RASAL2: variants seen among roughly 807,000 people sequenced by gnomAD.
The protein encoded by RASAL2 is RAS protein activator like 2.
Under a neutral mutation model 128.9 loss-of-function variants are expected in RASAL2, and 58 were observed. The observed-to-expected ratio is 0.45, with a 90% confidence interval of 0.36 to 0.56. The LOEUF is 0.56. RASAL2 is among the 20% of genes least tolerant of loss of function. The probability of loss-of-function intolerance (pLI) is 0.00; values close to 1 mark genes in which losing one functional copy is unlikely to be tolerated. For synonymous variants in RASAL2, 561 were observed against 580.8 expected (o/e 0.97, Z 0.49); for missense variants, 1,360 against 1,601.6 (o/e 0.85, Z 2.57).
intron 1 of RASAL2, among the ~76,000 whole-genome samples, chr1:178,177,538 A>G (rs1211202888): frequency 6.6e-6 from 1 of 152,230 alleles, no homozygotes; most frequent in African/African-American, 2.4e-5. Flanking sequence ...TAGAAAAAAT[A>G]TATTAAAAAG....
chr1:178,357,598 C>G (rs1054406019), intron 3 of RASAL2, among the ~76,000 whole-genome samples: 2 of 151,988 alleles, frequency 1.3e-5, no homozygotes, highest in Admixed American at 6.6e-5. Flanking sequence ...ATGGTAGTAT[C>G]AAGTCCCTCT....
At chr1:178,184,076 A>G (rs555764749) in intron 1 of RASAL2, among the ~76,000 whole-genome samples, 1 of 152,260 alleles carries the variant, frequency 6.6e-6, no homozygotes, top group East Asian at 1.9e-4. Flanking sequence ...TTTTGTATGC[A>G]TATTTGCTAT....
At position 178,470,131 on chromosome 1, in the gene RASAL2, A is replaced by G. The variant is rs1024580755; in HGVS notation, c.3678+2710A>G. On this transcript the variant is annotated intron_variant, in intron 17 of 17. Transcript: ENST00000367649. ...TCAGATCCTTTCTTTTGTAAGGATAAATCTTCTCTCTTAAGTGAATGATGG... is the reference window on the plus strand; with the variant it reads ...TCAGATCCTTTCTTTTGTAAGGATAGATCTTCTCTCTTAAGTGAATGATGG... Among the ~76,000 whole-genome samples the G allele has an allele frequency of 2.0e-4, 30 of 152,318 alleles. No homozygotes were observed. In the South Asian group the frequency reaches 3.1e-3, roughly 16 times the overall value.
At chr1:178,131,085 CA>C (rs1448000215) in intron 1 of RASAL2, among the ~76,000 whole-genome samples, 10 of 147,160 alleles carry the variant, frequency 6.8e-5, no homozygotes, top group African/African-American at 2.5e-4. Context: ...CAAAAAAAAC[CA>C]AAAAAAAACA....
intron 3 of RASAL2, among the ~76,000 whole-genome samples, chr1:178,353,220 T>C (rs1670613169): frequency 6.6e-6 from 1 of 152,230 alleles, no homozygotes; most frequent in Non-Finnish European, 1.5e-5. Context: ...TAAATATAAG[T>C]TCCAGTTTTA....
At chr1:178,255,965 T>C (rs1437512161) in intron 1 of RASAL2, among the ~76,000 whole-genome samples, 1 of 151,978 alleles carries the variant, frequency 6.6e-6, no homozygotes, top group African/African-American at 2.4e-5. Flanking sequence ...GAAATGCAAA[T>C]AGGTTGTAAG....
chr1:178,180,407 G>T (rs906702812), intron 1 of RASAL2, among the ~76,000 whole-genome samples: 1 of 145,590 alleles, frequency 6.9e-6, no homozygotes, highest in Admixed American at 7.2e-5. Flanking sequence ...ACTTTGAGAC[G>T]CCAAGGCAGG....
intron 6 of RASAL2, among the ~76,000 whole-genome samples, chr1:178,440,003 A>ATCCATCTATCCT (rs1484001786): frequency 6.6e-6 from 1 of 151,640 alleles, no homozygotes; most frequent in Non-Finnish European, 1.5e-5. Context: ...CCATCCATCC[A>ATCCATCTATCCT]TCCATCCTAA....
At chr1:178,267,090 C>T (rs1665992541) in intron 1 of RASAL2, among the ~76,000 whole-genome samples, 1 of 152,142 alleles carries the variant, frequency 6.6e-6, no homozygotes, top group Non-Finnish European at 1.5e-5. Context: ...TTTTCCTCTC[C>T]TATCTGCCTA....
In RASAL2 at chr1:178,107,340, TA is replaced by T. The variant is rs1000163941; in HGVS notation, c.202+12647del. Among the ~76,000 whole-genome samples, 257 of 152,316 alleles carry T rather than the reference TA, an allele frequency of 1.7e-3. 1 individual carries two copies. Among genetic ancestry groups the T allele is most frequent in the African/African-American group, 6.1e-3 (255 of 41,578 alleles). On this transcript the variant is annotated intron_variant, in intron 1 of 17. Coordinates refer to ENST00000367649, the MANE Select transcript of RASAL2 (RefSeq NM_170692.4). ...TAGAATTTAACAGTATGTCTTATCCTATCTTCTCTGCCTCTTTGAGACCCAT... is the reference window on the plus strand; with the variant it reads ...TAGAATTTAACAGTATGTCTTATCCTTCTTCTCTGCCTCTTTGAGACCCAT...
chr1:178,289,520 G>T (rs1027503471), intron 2 of RASAL2, among the ~76,000 whole-genome samples: 9 of 151,864 alleles, frequency 5.9e-5, no homozygotes, highest in Non-Finnish European at 1.3e-4. Context: ...TCACTATGTT[G>T]CCCAAACTGG....
At chr1:178,230,974 C>G (rs548306402) in intron 1 of RASAL2, among the ~76,000 whole-genome samples, 1 of 152,074 alleles carries the variant, frequency 6.6e-6, no homozygotes, top group Admixed American at 6.5e-5. Flanking sequence ...TTCTCTTTAC[C>G]GGTGGAATGT....
chr1:178,435,263 C>T (rs752533772), intron 5 of RASAL2, among the ~76,000 whole-genome samples: 3 of 152,090 alleles, frequency 2.0e-5, no homozygotes, highest in Non-Finnish European at 4.4e-5. Context: ...TGAGCTAGCA[C>T]CACCAAGCCT....
intron 8 of RASAL2, 126 bp downstream of exon 8, chr1:178,443,355 T>A: frequency 1.1e-6 from 1 of 882,610 alleles, no homozygotes; most frequent in Non-Finnish European, 1.6e-6. Context: ...CAAGAAGAAT[T>A]AAGAAGAAAA....
chr1:178,240,389 G>A (rs1230677068), intron 1 of RASAL2, among the ~76,000 whole-genome samples: 1 of 151,974 alleles, frequency 6.6e-6, no homozygotes, highest in Non-Finnish European at 1.5e-5. Flanking sequence ...CACTTCAGAT[G>A]TTAGTGTTTA....
chr1:178,102,343 C>T (rs1190062435), intron 1 of RASAL2, among the ~76,000 whole-genome samples: 1 of 151,728 alleles, frequency 6.6e-6, no homozygotes, highest in Non-Finnish European at 1.5e-5. Flanking sequence ...ATTTTAGAGA[C>T]GGGGTCTCAT....
At chr1:178,427,535 T>C (rs1375564621) in intron 5 of RASAL2, among the ~76,000 whole-genome samples, 1 of 152,202 alleles carries the variant, frequency 6.6e-6, no homozygotes, top group Non-Finnish European at 1.5e-5. Flanking sequence ...GGTGGAATTA[T>C]GGAACAATAT....
chr1:178,354,274 G>T (rs1055340930), intron 3 of RASAL2, among the ~76,000 whole-genome samples: 1 of 152,114 alleles, frequency 6.6e-6, no homozygotes, highest in African/African-American at 2.4e-5. Flanking sequence ...TCTCGATTGA[G>T]CAAAAATGAC....
rs1053665684 is a variant in RASAL2 at position 178,476,354 on chromosome 1, C to A, written c.*3115C>A. On this transcript the variant is annotated 3_prime_UTR_variant, in exon 18 of 18. Coordinates refer to ENST00000367649, the MANE Select transcript of RASAL2 (RefSeq NM_170692.4). ...TGAGCTGAAGCAGCAAAAAGAGTCACATTTCCATCAGGTCATCATATTCCC... is the reference window on the plus strand; with the variant it reads ...TGAGCTGAAGCAGCAAAAAGAGTCAAATTTCCATCAGGTCATCATATTCCC... 6.6e-6 allele frequency: 1 copy of A among 152,194 alleles called. No individual in the cohort carries two copies. The highest frequency in any genetic ancestry group is 6.5e-5 in the Admixed American group (1 of 15,282). The allele number at this position is 152,194 out of a possible 1,614,324, so 9.4% of individuals were successfully genotyped here.
Sources: allele counts gnomAD v4.1 joint callset (sites outside exome capture counted in the v4.1 genomes callset), GRCh38; gene constraint gnomAD v4.1.1; transcripts MANE v1.5; gene names NCBI Gene and HGNC (gene_info 2026-07-23, HGNC 2026-07-21).